Variants in RBBP8NL observed in about 807,000 individuals in gnomAD.
RBBP8NL encodes the protein RBBP8 N-terminal like.
Under a neutral mutation model 62.2 loss-of-function variants are expected in RBBP8NL, and 59 were observed. The ratio of observed to expected loss-of-function variants is 0.95; its 90% CI spans 0.77 to 1.18. RBBP8NL has a LOEUF of 1.18. Among genes scored for constraint, RBBP8NL ranks in the 50% most tolerant of loss-of-function variants. The pLI is 0.00. For synonymous variants in RBBP8NL, 412 were observed against 394.1 expected, an observed-to-expected ratio of 1.05 and a Z score of -0.54; for missense variants, 896 against 899.5, an observed-to-expected ratio of 1.00 and a Z score of 0.05.
intron 1 of RBBP8NL, among the ~76,000 whole-genome samples, chr20:62,425,887 G>A (rs1988791140): frequency 1.3e-5 from 2 of 152,164 alleles, no homozygotes; most frequent in Admixed American, 1.3e-4. Context: ...AGCAGTGGCA[G>A]TGGCAGTGGC....
chr20:62,418,656 A>G (rs1988634391), intron 2 of RBBP8NL, among the ~76,000 whole-genome samples, 191 bp from the exon 3 acceptor site: 1 of 151,700 alleles, frequency 6.6e-6, no homozygotes, highest in African/African-American at 2.4e-5. Context: ...GTCTCGGCCT[A>G]GCATCTGTTG....
At position 62,414,207 on chromosome 20, in the gene RBBP8NL, C is replaced by T. The variant is rs759927125; in HGVS notation, c.1144G>A (p.Gly382Arg). 2.9e-5 allele frequency: 47 copies of T among 1,607,628 alleles called. No homozygotes were observed. The East Asian group carries it at 4.5e-4, about 15-fold the overall frequency. ...SVRPRGQPTPGEMLPSLPVGS... is the reference protein window; with the variant it reads ...SVRPRGQPTPREMLPSLPVGS... ...ACTGGTAGGGAGGGCAGCATCTCCCCGGGTGTGGGCTGGCCCCTTGGCCTG... is the reference window on the plus strand; with the variant it reads ...ACTGGTAGGGAGGGCAGCATCTCCCTGGGTGTGGGCTGGCCCCTTGGCCTG... The change falls in exon 10 of 14, where the codon GGG becomes AGG. Residue 382 changes from glycine (G) to arginine (R), a missense_variant. Transcript: ENST00000252998.
rs1321955933 is a variant in RBBP8NL at position 62,413,779 on chromosome 20, G to A, written c.1530+42C>T. ...GAGGCCGGCCCGGGGTGGGGGACGT[G>A]GAGGCTGAGGACCGGGTCTGAGCCA... On this transcript the variant is annotated intron_variant, in intron 10 of 13. Transcript: ENST00000252998. 7 of 1,539,762 alleles carry A rather than the reference G, an allele frequency of 4.5e-6. No homozygotes were observed. In the South Asian group the frequency reaches 7.6e-5, roughly 17 times the overall value.
intron 1 of RBBP8NL, among the ~76,000 whole-genome samples, chr20:62,423,928 C>T (rs376580686): frequency 1.8e-4 from 27 of 152,090 alleles, no homozygotes; most frequent in Non-Finnish European, 3.5e-4. Context: ...TTTTTCTTCC[C>T]GAGTCAGCCT....
chr20:62,422,757 G>A (rs1422352148), intron 1 of RBBP8NL, among the ~76,000 whole-genome samples: 3 of 152,072 alleles, frequency 2.0e-5, no homozygotes, highest in Non-Finnish European at 4.4e-5. Flanking sequence ...TCAAGCATTA[G>A]TGCCGAGCCT....
chr20:62,414,068 G>A lies in RBBP8NL; in HGVS notation c.1283C>T (p.Thr428Ile). The A allele has an allele frequency of 6.3e-7, 1 of 1,596,118 alleles. No individual in the cohort carries two copies. The highest frequency in any genetic ancestry group is 8.5e-7 in the Non-Finnish European group (1 of 1,173,142). ...ACAGTCCTGCGTGGCTGCAGCCTCTGTCCTCTGGGCGCGGCCCGGGCCTGC... is the reference window on the plus strand; with the variant it reads ...ACAGTCCTGCGTGGCTGCAGCCTCTATCCTCTGGGCGCGGCCCGGGCCTGC... ...QPAGPGRAQR[T>I]EAAATQDCAL... Residue 428 changes from threonine to isoleucine, a missense_variant, in exon 10 of 14, where the codon ACA becomes ATA. Coordinates refer to ENST00000252998, the MANE Select transcript of RBBP8NL (RefSeq NM_080833.3).
chr20:62,415,683 C>T (rs1056255902), intron 7 of RBBP8NL, 23 bp from the exon 8 acceptor site: 2 of 1,611,744 alleles, frequency 1.2e-6, no homozygotes, highest in African/African-American at 2.7e-5. Context: ...AAGCCAGGGG[C>T]AAGAGCTTGG....
At chr20:62,423,611 C>T (rs953722798) in intron 1 of RBBP8NL, among the ~76,000 whole-genome samples, 5 of 152,158 alleles carry the variant, frequency 3.3e-5, no homozygotes, top group Non-Finnish European at 4.4e-5. Context: ...ATGGTGCCTG[C>T]GGGCCTGGGA....
intron 1 of RBBP8NL, among the ~76,000 whole-genome samples, chr20:62,424,589 C>T (rs543436337): frequency 1.3e-5 from 2 of 152,318 alleles, no homozygotes; most frequent in South Asian, 2.1e-4. Context: ...ATCCAGTAAA[C>T]GGGTGCCTCT....
Position 62,416,265 on chromosome 20 carries a change from C to T in RBBP8NL, c.314-29G>A, listed in dbSNP as rs774221454. The stretch of plus-strand genomic sequence containing the variant: ...CAAAAGGCACTGATGAGCAAAGCAG[C>T]CAGGGGTTGGGGGGGACAGGGGCAG... On this transcript the variant is annotated intron_variant, in intron 5 of 13. Coordinates refer to ENST00000252998, the MANE Select transcript of RBBP8NL (RefSeq NM_080833.3). The T allele has an allele frequency of 9.2e-6, 6 of 649,952 alleles. No homozygotes were observed. In the African/African-American group the frequency reaches 1.0e-4, roughly 11 times the overall value. The allele number at this position is 649,952 out of a possible 1,614,324, so 40.3% of individuals were successfully genotyped here.
At position 62,419,739 on chromosome 20, in the gene RBBP8NL, G is replaced by A; in HGVS notation, c.-83-9C>T. 1.4e-6 allele frequency: 2 copies of A among 1,391,998 alleles called. No homozygotes were observed. Among genetic ancestry groups the A allele is most frequent in the Non-Finnish European group, 2.0e-6 (2 of 994,136 alleles). 86.2% of individuals were successfully genotyped at this position (1,391,998 alleles called of 1,614,324 possible). A position where few individuals can be genotyped will look rare whatever the true frequency, so the allele number is the denominator to read the frequency against. On this transcript the variant is annotated splice_polypyrimidine_tract_variant and intron_variant, in intron 1 of 13. Transcript: ENST00000252998. ...GCCCCTCTGTGTCCATCCTGAAGAG[G>A]AGGAAGAGGGGACAGGGATCCGCTC...
intron 5 of RBBP8NL, 43 bp from the exon 6 acceptor site, chr20:62,416,279 G>T: frequency 8.0e-7 from 1 of 1,247,608 alleles, no homozygotes; most frequent in Non-Finnish European, 1.1e-6. Flanking sequence ...GGGTTGGGGG[G>T]GACAGGGGCA....
chr20:62,420,354 A>G (rs1212826862), intron 1 of RBBP8NL, among the ~76,000 whole-genome samples: 10 of 99,166 alleles, frequency 1.0e-4, no homozygotes, highest in African/African-American at 5.5e-4. Context: ...CCACAGGCAC[A>G]CACACACACA....
At position 62,424,883 on chromosome 20, in the gene RBBP8NL, A is replaced by AC. The variant is rs373729629; in HGVS notation, c.-84+2576dup. On this transcript the variant is annotated intron_variant, in intron 1 of 13. Coordinates refer to ENST00000252998, the MANE Select transcript of RBBP8NL (RefSeq NM_080833.3). ...CTCAGAGCCCCAGCAGAGAGGGTGC[A>AC]CCCCCCCCACCCGCTGAGCTGGCTG... 2.5e-3 allele frequency among the ~76,000 whole-genome samples: 372 copies of AC among 150,924 alleles called. 2 individuals carry two copies. The highest frequency in any genetic ancestry group is 6.4e-3 in the African/African-American group (262 of 41,078).
At position 62,413,895 on chromosome 20, in the gene RBBP8NL, G is replaced by T; in HGVS notation, c.1456C>A (p.Arg486Ser). Residue 486 changes from arginine to serine, a missense_variant, in exon 10 of 14, where the codon CGC becomes AGC. By Grantham distance (110) the Arg-to-Ser change is moderately radical. Coordinates refer to ENST00000252998, the MANE Select transcript of RBBP8NL (RefSeq NM_080833.3). ...CCATTGCTGAGTGCCTGGGGACTGCGAGTCAGGGGTCCGGACTGGGTGGGT... is the reference window on the plus strand; with the variant it reads ...CCATTGCTGAGTGCCTGGGGACTGCTAGTCAGGGGTCCGGACTGGGTGGGT... ...EPPTQSGPLT[R>S]SPQALSNGTK... 1 of 1,594,330 alleles carries T rather than the reference G, an allele frequency of 6.3e-7. No individual in the cohort carries two copies. Among genetic ancestry groups the T allele is most frequent in the Non-Finnish European group, 8.5e-7 (1 of 1,171,242 alleles).
rs139582052 is a variant in RBBP8NL, at chr20:62,412,884, T to C, written c.1692A>G (p.Glu564=). The C allele has an allele frequency of 5.2e-3, 8,431 of 1,613,400 alleles. 686 individuals are homozygous for C. In the Admixed American group the frequency reaches 0.13, roughly 24 times the overall value. The change falls in exon 12 of 14, where the codon GAA becomes GAG. Residue 564 remains glutamate, a synonymous_variant. Transcript: ENST00000252998. The part of the protein sequence containing the change: ...LDGHPEPSKA[E]VLRPESDELD... ...GTTCGTCGGACTCTGGTCTCAGCAC[T>C]TCAGCCTTGCTGGGCTCTGAAGGAT...
At chr20:62,412,329 G>A (rs1021102968) in intron 13 of RBBP8NL, among the ~76,000 whole-genome samples, 2 of 152,146 alleles carry the variant, frequency 1.3e-5, no homozygotes, top group Non-Finnish European at 2.9e-5. Context: ...TTCTCTCACC[G>A]AAATCTCCTA....
In RBBP8NL at chr20:62,416,829, G is replaced by T; in HGVS notation, c.244C>A (p.Leu82Met). Residue 82 changes from leucine to methionine, a missense_variant, in exon 5 of 14, where the codon CTG (leucine) becomes ATG (methionine). Transcript: ENST00000252998. ...LCDRCMVTQE[L>M]ARKRQQEFES... is the part of the protein sequence containing the mutation. ...AACTCCTGCTGCCGCTTCCTGGCCA[G>T]CTCCTGGGTGACCATGCAGCGGTCG... 6.3e-7 allele frequency: 1 copy of T among 1,583,754 alleles called. No homozygotes were observed.
chr20:62,425,221 T>C (rs1988780818), intron 1 of RBBP8NL, among the ~76,000 whole-genome samples: 3 of 152,290 alleles, frequency 2.0e-5, no homozygotes, highest in Admixed American at 2.0e-4. Flanking sequence ...GCCTCCCTCA[T>C]GACCTGCGCC....
Sources: allele counts gnomAD v4.1 joint callset (sites outside exome capture counted in the v4.1 genomes callset), GRCh38; gene constraint gnomAD v4.1.1; transcripts MANE v1.5; gene names NCBI Gene and HGNC (gene_info 2026-07-23, HGNC 2026-07-21).